Variants in CSMD2 observed in about 807,000 individuals in gnomAD.
CSMD2 encodes the protein CUB and sushi domain-containing protein 2.
Under a neutral mutation model 398.5 loss-of-function variants are expected in CSMD2, and 130 were observed. That is an observed-to-expected ratio of 0.33 (90% CI 0.28 to 0.38). The LOEUF (loss-of-function observed/expected upper bound fraction) is 0.38. Among genes scored for constraint, CSMD2 ranks in the 10% least tolerant of loss-of-function variants. The pLI is 1.00. For synonymous variants in CSMD2, 1,828 were observed against 1,908.5 expected, an observed-to-expected ratio of 0.96 and a Z score of 1.10; for missense variants, 3,829 against 4,764.9, an observed-to-expected ratio of 0.80 and a Z score of 5.78.
intron 2 of CSMD2, among the ~76,000 whole-genome samples, chr1:34,079,747 A>G (rs1378237877): frequency 1.3e-5 from 2 of 152,182 alleles, no homozygotes; most frequent in Non-Finnish European, 2.9e-5. Flanking sequence ...ACAGCTTAAA[A>G]CATGTTCTAA....
intron 1 of CSMD2, among the ~76,000 whole-genome samples, chr1:34,150,173 C>T (rs2148552169): frequency 6.6e-6 from 1 of 151,638 alleles, no homozygotes; most frequent in South Asian, 2.1e-4. Flanking sequence ...CCTTGACCTC[C>T]TGGGCTCAAG....
intron 48 of CSMD2, among the ~76,000 whole-genome samples, chr1:33,580,448 T>C (rs546880499): frequency 1.4e-4 from 22 of 152,386 alleles, no homozygotes; most frequent in African/African-American, 4.1e-4. Context: ...TAGGGCTTTT[T>C]AGTTTTAAGA....
At chr1:33,944,664 G>A (rs1644786821) in intron 3 of CSMD2, among the ~76,000 whole-genome samples, 1 of 152,146 alleles carries the variant, frequency 6.6e-6, no homozygotes, top group Non-Finnish European at 1.5e-5. Context: ...TTTACTATGA[G>A]CTGGGCACAT....
At chr1:33,655,294 C>A (rs967924811) in intron 27 of CSMD2, among the ~76,000 whole-genome samples, 32 of 152,312 alleles carry the variant, frequency 2.1e-4, no homozygotes, top group African/African-American at 7.2e-4. Context: ...GCTGTCCACC[C>A]CTCTGAGCCT....
chr1:33,807,001 A>AAAC (rs1451830892), intron 10 of CSMD2, among the ~76,000 whole-genome samples: 1 of 152,202 alleles, frequency 6.6e-6, no homozygotes, highest in Admixed American at 6.5e-5. Flanking sequence ...TAGATTCAAG[A>AAAC]AACTTAATTA....
In CSMD2 at chr1:33,708,587, C is replaced by G. The variant is rs1209137782; in HGVS notation, c.3576+502G>C. Among the ~76,000 whole-genome samples, 3 of 34,646 alleles carry G rather than the reference C, an allele frequency of 8.7e-5. 1 individual carries two copies. The highest frequency in any genetic ancestry group is 4.0e-4 in the African/African-American group (3 of 7,548). 22.7% of individuals were successfully genotyped at this position (34,646 alleles called of 152,430 possible). A position where few individuals can be genotyped will look rare whatever the true frequency, so the allele number is the denominator to read the frequency against. On this transcript the variant is annotated intron_variant, in intron 22 of 70. Transcript: ENST00000373381. ...AACTGGATCCATTGGCTGCTCCAAC[C>G]GAACTTATTATTATTATTATTATTA...
chr1:33,549,138 C>T (rs1029948264), intron 56 of CSMD2, among the ~76,000 whole-genome samples: 8 of 152,180 alleles, frequency 5.3e-5, no homozygotes, highest in Non-Finnish European at 1.0e-4. Flanking sequence ...AGTGACCTAA[C>T]TTTTGGGAGG....
chr1:34,036,195 A>C (rs1436129076), intron 2 of CSMD2, among the ~76,000 whole-genome samples: 2 of 152,156 alleles, frequency 1.3e-5, no homozygotes, highest in African/African-American at 4.8e-5. Flanking sequence ...CATTAGGCCC[A>C]AAAACCTATG....
At position 33,686,054 on chromosome 1, in the gene CSMD2, A is replaced by C. The variant is rs182300027; in HGVS notation, c.4052+6876T>G. 1.2e-3 allele frequency among the ~76,000 whole-genome samples: 184 copies of C among 152,336 alleles called. 1 individual carries two copies. Among genetic ancestry groups the C allele is most frequent in the African/African-American group, 4.3e-3 (178 of 41,576 alleles). On this transcript the variant is annotated intron_variant, in intron 25 of 70. Transcript: ENST00000373381. Reference sequence around the variant, plus strand: ...CATTACTGGGTAATTGTCAGATCTCAAGGAAGGTCATTCATTCTTTCTGGG... The same window carrying C: ...CATTACTGGGTAATTGTCAGATCTCCAGGAAGGTCATTCATTCTTTCTGGG...
At chr1:33,728,757 G>T (rs746249288) in intron 15 of CSMD2, among the ~76,000 whole-genome samples, 1 of 152,188 alleles carries the variant, frequency 6.6e-6, no homozygotes, top group Non-Finnish European at 1.5e-5. Context: ...TGTGACAATG[G>T]CAACACTAAA....
rs1323374558 is a variant in CSMD2, at chr1:33,725,400, AGAG to A, written c.2641_2643del (p.Leu881del). ...TCCGAGTGACTCTTGTCGGTAGAGAAGAGGAGGTAGAGGTAGTTGCTGGTGCTG... is the reference window on the plus strand; with the variant it reads ...TCCGAGTGACTCTTGTCGGTAGAGAAGAGGTAGAGGTAGTTGCTGGTGCTG... On this transcript the variant is annotated inframe_deletion, in exon 17 of 71. Transcript: ENST00000373381. 1 of 1,614,006 alleles carries A rather than the reference AGAG, an allele frequency of 6.2e-7. No individual in the cohort carries two copies. Among genetic ancestry groups the A allele is most frequent in the African/African-American group, 1.3e-5 (1 of 74,924 alleles).
At chr1:33,839,972 T>A (rs1660687463) in intron 6 of CSMD2, 1 of 152,152 alleles carries the variant, frequency 6.6e-6, no homozygotes, top group South Asian at 2.1e-4. Flanking sequence ...TTGAAAATGG[T>A]AGAAAAAATA....
chr1:33,904,104 A>C (rs1462744370), intron 5 of CSMD2, among the ~76,000 whole-genome samples: 4 of 152,186 alleles, frequency 2.6e-5, no homozygotes, highest in Non-Finnish European at 2.9e-5. Context: ...TCTAAATGTG[A>C]TAGTAAGCCA....
At chr1:33,662,848 T>C (rs1350834783) in intron 26 of CSMD2, 42 bp downstream of exon 26, 7 of 1,579,586 alleles carry the variant, frequency 4.4e-6, no homozygotes, top group Non-Finnish European at 6.1e-6. Context: ...GTGCCATGTG[T>C]CAGGACATGT....
intron 7 of CSMD2, 80 bp from the exon 8 acceptor site, chr1:33,820,636 A>G: frequency 1.0e-6 from 1 of 962,196 alleles, no homozygotes; most frequent in Non-Finnish European, 1.6e-6. Context: ...AGCTGGGGCA[A>G]TGTCTCAGGG....
At chr1:34,138,730 C>A (rs1434524958) in intron 1 of CSMD2, among the ~76,000 whole-genome samples, 2 of 152,150 alleles carry the variant, frequency 1.3e-5, no homozygotes, top group African/African-American at 4.8e-5. Flanking sequence ...TGCTTTCCAG[C>A]AAGTTTGTAA....
At chr1:33,870,499 T>G (rs1368483736) in intron 5 of CSMD2, 2 of 152,194 alleles carry the variant, frequency 1.3e-5, no homozygotes, top group Admixed American at 6.5e-5. Context: ...CTTGAGGTAG[T>G]TGCATTGCAA....
At position 34,145,024 on chromosome 1, in the gene CSMD2, C is replaced by T. The variant is rs116549688; in HGVS notation, c.187+19887G>A. On this transcript the variant is annotated intron_variant, in intron 1 of 70. Transcript: ENST00000373381. ...TGTGGCCCTTGGGGGACACCAGAGG[C>T]TTGCCAATTAAGGGATGGTGGTTCC... is the stretch of plus-strand genomic sequence containing the variant. Among the ~76,000 whole-genome samples, 1,069 of 152,332 alleles carry T rather than the reference C, an allele frequency of 7.0e-3. 11 individuals are homozygous for T. The highest frequency in any genetic ancestry group is 0.011 in the Non-Finnish European group (758 of 68,028).
At chr1:34,090,277 C>T (rs561599946) in intron 1 of CSMD2, among the ~76,000 whole-genome samples, 49 of 152,222 alleles carry the variant, frequency 3.2e-4, no homozygotes, top group African/African-American at 9.6e-4. Context: ...GTGATGATGC[C>T]CTCTGTGGGA....
Sources: gnomAD v4.1 joint callset for allele counts (sites outside exome capture counted in the v4.1 genomes callset) on GRCh38, gnomAD v4.1.1 for gene constraint, MANE v1.5 for transcripts, NCBI Gene and HGNC (gene_info 2026-07-23, HGNC 2026-07-21) for gene names.